The following MCC variants were observed in gnomAD, a reference collection of about 807,000 sequenced individuals.
MCC encodes MCC regulator of Wnt signaling pathway.
In MCC, 90 loss-of-function variants were observed where a neutral mutation model predicts 116.2. The observed-to-expected ratio is 0.77, with a 90% CI of 0.65 to 0.92. MCC has a LOEUF of 0.92. Ranked by LOEUF, MCC falls within the 40% of genes least tolerant of loss-of-function variation. The pLI, the probability that MCC is intolerant of heterozygous loss-of-function variation, is 0.00. For synonymous variants in MCC, 578 were observed against 510.5 expected (o/e 1.13, Z -1.78); for missense variants, 1,516 against 1,312.2 (o/e 1.16, Z -2.40).
chr5:113,213,001 T>C (rs534789658), intron 3 of MCC, among the ~76,000 whole-genome samples: 6 of 152,364 alleles, frequency 3.9e-5, no homozygotes, highest in African/African-American at 1.4e-4. Context: ...GCGTTCCTTC[T>C]TTCCCAAGTG....
At chr5:113,081,803 C>A (rs1754874931) in intron 11 of MCC, among the ~76,000 whole-genome samples, 1 of 152,158 alleles carries the variant, frequency 6.6e-6, no homozygotes, top group Non-Finnish European at 1.5e-5. Flanking sequence ...TTCTCAAGAA[C>A]TGTATTAAAC....
At chr5:113,324,826 GT>G (rs1254205410) in intron 3 of MCC, among the ~76,000 whole-genome samples, 1 of 149,086 alleles carries the variant, frequency 6.7e-6, no homozygotes, top group East Asian at 2.0e-4. Flanking sequence ...TTTGTAGGAA[GT>G]TTTGGAACTT....
chr5:113,026,934 G>A lies in MCC; in HGVS notation c.*368C>T, dbSNP rs554498148. 2.5e-5 allele frequency: 5 copies of A among 201,046 alleles called. No individual in the cohort carries two copies. The allele number at this position is 201,046 out of a possible 1,614,324, so 12.5% of individuals were successfully genotyped here. Reference sequence around the variant, plus strand: ...TGAGCCCAGCATCTACCAAAAAGAGGATACAATGGAAAATCTTACAGAAAC... The same window carrying A: ...TGAGCCCAGCATCTACCAAAAAGAGAATACAATGGAAAATCTTACAGAAAC... On this transcript the variant is annotated 3_prime_UTR_variant, in exon 19 of 19. Transcript: ENST00000408903.
rs189145373 is a variant in MCC at position 113,241,049 on chromosome 5, T to G, written c.628-89627A>C. Among the ~76,000 whole-genome samples the G allele has an allele frequency of 4.4e-3, 664 of 152,322 alleles. 1 individual carries two copies. Among genetic ancestry groups the G allele is most frequent in the Non-Finnish European group, 7.4e-3 (503 of 68,038 alleles). Reference sequence around the variant, plus strand: ...CCTATAAATTAGTTGAATCAGAAACTGAGTAATATCAGTGTGTCATTATAG... The same window carrying G: ...CCTATAAATTAGTTGAATCAGAAACGGAGTAATATCAGTGTGTCATTATAG... On this transcript the variant is annotated intron_variant, in intron 3 of 18. Transcript: ENST00000408903.
At chr5:113,151,754 G>A (rs754139204) in intron 3 of MCC, among the ~76,000 whole-genome samples, 1 of 152,150 alleles carries the variant, frequency 6.6e-6, no homozygotes, top group Non-Finnish European at 1.5e-5. Context: ...AAGTGGAGCT[G>A]CCTGATTCTA....
At chr5:113,267,790 GCA>G (rs1481897980) in intron 3 of MCC, among the ~76,000 whole-genome samples, 2 of 152,188 alleles carry the variant, frequency 1.3e-5, no homozygotes, top group East Asian at 3.9e-4. Flanking sequence ...AGTAATGGTT[GCA>G]CAGTCCTGGG....
chr5:113,133,328 T>TA (rs2150278899), intron 5 of MCC, among the ~76,000 whole-genome samples: 1 of 152,142 alleles, frequency 6.6e-6, no homozygotes, highest in East Asian at 1.9e-4. Flanking sequence ...ACCACCAAAA[T>TA]ACTCTCTATC....
intron 12 of MCC, among the ~76,000 whole-genome samples, chr5:113,069,582 T>A (rs1484767874): frequency 6.6e-6 from 1 of 152,254 alleles, no homozygotes; most frequent in East Asian, 1.9e-4. Flanking sequence ...TTCTTTTTTT[T>A]CTTTGAGACG....
At chr5:113,421,087 G>A (rs1366653812) in intron 1 of MCC, among the ~76,000 whole-genome samples, 3 of 151,748 alleles carry the variant, frequency 2.0e-5, no homozygotes, top group Admixed American at 1.3e-4. Flanking sequence ...ACAGTGGCAC[G>A]ATATCAGCTC....
chr5:113,170,569 G>A (rs1029550078), intron 3 of MCC, among the ~76,000 whole-genome samples: 5 of 151,952 alleles, frequency 3.3e-5, no homozygotes, highest in South Asian at 4.2e-4. Flanking sequence ...TAGGGATACC[G>A]GGGTCTCGGG....
chr5:113,274,206 G>A (rs1179937208), intron 3 of MCC, among the ~76,000 whole-genome samples: 1 of 152,220 alleles, frequency 6.6e-6, no homozygotes, highest in Non-Finnish European at 1.5e-5. Context: ...AGCAATTACA[G>A]TGGAGCATAA....
At chr5:113,134,435 G>C (rs1380927806) in intron 5 of MCC, among the ~76,000 whole-genome samples, 2 of 151,902 alleles carry the variant, frequency 1.3e-5, no homozygotes, top group African/African-American at 4.8e-5. Context: ...CTATGTGTCT[G>C]CTTTTGTGCC....
chr5:113,118,189 G>A (rs1199173879), intron 6 of MCC, among the ~76,000 whole-genome samples: 2 of 152,188 alleles, frequency 1.3e-5, no homozygotes, highest in Non-Finnish European at 2.9e-5. Flanking sequence ...TTGACACAGG[G>A]TAAGTGAGCA....
intron 3 of MCC, among the ~76,000 whole-genome samples, chr5:113,214,494 AAATGT>A (rs1283815444): frequency 6.6e-6 from 1 of 152,196 alleles, no homozygotes; most frequent in African/African-American, 2.4e-5. Context: ...TAAATACTTA[AAATGT>A]AAAGTGATGT....
intron 1 of MCC, among the ~76,000 whole-genome samples, chr5:113,406,611 CT>C (rs1001416402): frequency 3.9e-5 from 6 of 152,174 alleles, no homozygotes; most frequent in African/African-American, 1.4e-4. Flanking sequence ...ATTAAACCAT[CT>C]TTTTTTTCAA....
intron 3 of MCC, among the ~76,000 whole-genome samples, chr5:113,295,413 T>C (rs1766679253): frequency 6.7e-6 from 1 of 149,038 alleles, no homozygotes. Context: ...GCAGAGTACA[T>C]TTTCTGCATG....
chr5:113,333,441 G>A (rs1037813867), intron 3 of MCC, among the ~76,000 whole-genome samples: 1 of 151,590 alleles, frequency 6.6e-6, no homozygotes, highest in Non-Finnish European at 1.5e-5. Context: ...AGCAAAACTT[G>A]CTATGTCAGT....
intron 17 of MCC, among the ~76,000 whole-genome samples, chr5:113,029,535 A>T (rs1404147365): frequency 6.6e-6 from 1 of 151,984 alleles, no homozygotes; most frequent in Non-Finnish European, 1.5e-5. Context: ...AAAACCAAAA[A>T]ATTGGTAGAG....
At chr5:113,290,307 T>A (rs1329214592) in intron 3 of MCC, among the ~76,000 whole-genome samples, 1 of 152,200 alleles carries the variant, frequency 6.6e-6, no homozygotes, top group East Asian at 1.9e-4. Context: ...GGGCATCCAA[T>A]GTTTCCAAGT....
Sources: allele counts gnomAD v4.1 joint callset (sites outside exome capture counted in the v4.1 genomes callset), GRCh38; gene constraint gnomAD v4.1.1; transcripts MANE v1.5; gene names NCBI Gene and HGNC (gene_info 2026-07-23, HGNC 2026-07-21).